The following PRKCB variants were observed in gnomAD, a reference collection of about 807,000 sequenced individuals.
PRKCB encodes protein kinase C beta type.
PRKCB carries 13 observed loss-of-function variants against 81.5 expected under a neutral mutation model. That is an observed-to-expected ratio of 0.16 (90% CI 0.10 to 0.25). PRKCB has a LOEUF of 0.25. PRKCB is among the 10% of genes least tolerant of loss of function. The probability of loss-of-function intolerance (pLI) is 1.00; values close to 1 mark genes in which losing one functional copy is unlikely to be tolerated. For synonymous variants in PRKCB, 335 were observed against 321.4 expected (o/e 1.04, Z -0.45); for missense variants, 509 against 875.7 (o/e 0.58, Z 5.29).
rs149361073 is a variant in PRKCB at position 23,875,548 on chromosome 16, A to G, written c.205+38142A>G. On this transcript the variant is annotated intron_variant, in intron 2 of 16. Transcript: ENST00000643927. ...ATATGTGTATATCACACACATATGT[A>G]TGTATATCACACACATGTGTATATC... 3.2e-4 allele frequency among the ~76,000 whole-genome samples: 17 copies of G among 52,610 alleles called. 1 individual carries two copies. The highest frequency in any genetic ancestry group is 6.6e-4 in the Admixed American group (3 of 4,514). 34.5% of individuals were successfully genotyped at this position (52,610 alleles called of 152,430 possible). A position where few individuals can be genotyped will look rare whatever the true frequency, so the allele number is the denominator to read the frequency against.
chr16:23,949,536 G>T (rs778507305), intron 2 of PRKCB, among the ~76,000 whole-genome samples: 1 of 152,086 alleles, frequency 6.6e-6, no homozygotes, highest in African/African-American at 2.4e-5. Flanking sequence ...ACCTTCTATC[G>T]TTTTATTCTT....
chr16:23,994,309 A>G (rs1335926179), intron 3 of PRKCB, among the ~76,000 whole-genome samples: 2 of 152,190 alleles, frequency 1.3e-5, no homozygotes, highest in Non-Finnish European at 2.9e-5. Context: ...TGAGTCCCCA[A>G]ACACATCCTG....
intron 2 of PRKCB, among the ~76,000 whole-genome samples, chr16:23,897,367 C>T (rs1267363520): frequency 6.6e-6 from 1 of 152,154 alleles, no homozygotes; most frequent in African/African-American, 2.4e-5. Flanking sequence ...TTTGCAAGGG[C>T]ATTTTGAATA....
At chr16:23,982,666 C>A (rs987639550) in intron 2 of PRKCB, among the ~76,000 whole-genome samples, 4 of 152,012 alleles carry the variant, frequency 2.6e-5, no homozygotes, top group African/African-American at 9.7e-5. Flanking sequence ...TGGGCTCAAG[C>A]AATCCTCCTG....
chr16:24,086,239 G>C (rs113363469), intron 5 of PRKCB, among the ~76,000 whole-genome samples: 3 of 152,144 alleles, frequency 2.0e-5, no homozygotes, highest in African/African-American at 7.2e-5. Flanking sequence ...AGAGCAAAGG[G>C]CTAAAGAAGC....
chr16:23,978,703 C>T (rs112417963), intron 2 of PRKCB, among the ~76,000 whole-genome samples: 3 of 152,202 alleles, frequency 2.0e-5, no homozygotes, highest in East Asian at 1.9e-4. Flanking sequence ...GGGTAGATGC[C>T]GGGCTAAGCA....
intron 16 of PRKCB, among the ~76,000 whole-genome samples, chr16:24,203,705 T>C (rs1196808074): frequency 2.0e-5 from 3 of 152,180 alleles, no homozygotes; most frequent in Non-Finnish European, 2.9e-5. Flanking sequence ...TTTTGTTTTG[T>C]TACAAGTGCA....
chr16:24,039,340 G>C (rs1003494016), intron 5 of PRKCB, among the ~76,000 whole-genome samples: 3 of 152,044 alleles, frequency 2.0e-5, no homozygotes, highest in South Asian at 4.2e-4. Context: ...GCGATTCTCC[G>C]GTCTCAGCCT....
chr16:24,141,956 C>G (rs1030561297), intron 9 of PRKCB, among the ~76,000 whole-genome samples: 1 of 152,208 alleles, frequency 6.6e-6, no homozygotes, highest in African/African-American at 2.4e-5. Flanking sequence ...TATACACACC[C>G]ACAGGAGTTA....
intron 2 of PRKCB, among the ~76,000 whole-genome samples, chr16:23,967,034 C>T (rs1596490698): frequency 6.8e-6 from 1 of 147,960 alleles, no homozygotes; most frequent in African/African-American, 2.5e-5. Flanking sequence ...TTTTAAAGCA[C>T]AGTACATGCT....
At chr16:23,951,754 CTT>C (rs1964288135) in intron 2 of PRKCB, among the ~76,000 whole-genome samples, 1 of 151,548 alleles carries the variant, frequency 6.6e-6, no homozygotes, top group South Asian at 2.1e-4. Context: ...GATAGTAACT[CTT>C]TATATATTCT....
At chr16:23,934,569 G>C (rs1190118322) in intron 2 of PRKCB, among the ~76,000 whole-genome samples, 1 of 152,080 alleles carries the variant, frequency 6.6e-6, no homozygotes, top group Non-Finnish European at 1.5e-5. Flanking sequence ...TCATGTAGAT[G>C]TACTTACCTT....
intron 2 of PRKCB, among the ~76,000 whole-genome samples, chr16:23,863,249 T>C (rs1378895956): frequency 0.091 from 5,021 of 55,324 alleles, 115 homozygotes; most frequent in South Asian, 0.15. Flanking sequence ...TACATATATA[T>C]ACACATACAC....
chr16:24,094,254 T>G lies in PRKCB; in HGVS notation c.778T>G (p.Ser260Ala). Residue 260 changes from serine (S) to alanine (A), a missense_variant, in exon 7 of 17, where the codon TCC (serine) becomes GCC (alanine). Physicochemically the swap from Ser to Ala is moderately conservative, Grantham distance 99 (BLOSUM62 1). Transcript: ENST00000643927. ...CAGGAATGACTTCATGGGATCTTTG[T>G]CCTTTGGGATTTCTGAACTTCAGAA... ...TSRNDFMGSL[S>A]FGISELQKAS... is the part of the protein sequence containing the mutation. The G allele has an allele frequency of 6.2e-7, 1 of 1,614,210 alleles. No homozygotes were observed. The highest frequency in any genetic ancestry group is 8.5e-7 in the Non-Finnish European group (1 of 1,180,012).
rs578133334 is a variant in PRKCB, at chr16:24,168,819, C to G, written c.1240-3451C>G. On this transcript the variant is annotated intron_variant, in intron 10 of 16. Coordinates refer to ENST00000643927, the MANE Select transcript of PRKCB (RefSeq NM_002738.7). ...AGTGATTTTCCTGTCTCGGCCCTGCCAAAGTTCTGGGATTACAGGAGCCAG... is the reference window on the plus strand; with the variant it reads ...AGTGATTTTCCTGTCTCGGCCCTGCGAAAGTTCTGGGATTACAGGAGCCAG... 2.7e-5 allele frequency among the ~76,000 whole-genome samples: 4 copies of G among 150,884 alleles called. No homozygotes were observed. In the South Asian group the frequency reaches 8.4e-4, roughly 32 times the overall value.
chr16:24,204,020 T>C (rs1968005107), intron 16 of PRKCB, among the ~76,000 whole-genome samples: 1 of 151,914 alleles, frequency 6.6e-6, no homozygotes, highest in South Asian at 2.1e-4. Flanking sequence ...GATGGGAATA[T>C]GGGTAGGAAT....
chr16:24,138,839 A>AT (rs1468056306), intron 9 of PRKCB, among the ~76,000 whole-genome samples: 1 of 110,354 alleles, frequency 9.1e-6, no homozygotes, highest in African/African-American at 3.6e-5. Context: ...ATCATACAGT[A>AT]TTTGTCTTTT....
intron 9 of PRKCB, among the ~76,000 whole-genome samples, chr16:24,136,946 C>T (rs539240946): frequency 2.4e-4 from 37 of 152,166 alleles, no homozygotes; most frequent in Admixed American, 6.5e-4. Flanking sequence ...AGCATGATCT[C>T]GGCTCACTGC....
At chr16:23,964,235 A>T (rs72779911) in intron 2 of PRKCB, among the ~76,000 whole-genome samples, 2 of 152,368 alleles carry the variant, frequency 1.3e-5, no homozygotes, top group Non-Finnish European at 2.9e-5. Flanking sequence ...TGTCATCATC[A>T]CAGAAAATTC....
Sources: allele counts gnomAD v4.1 joint callset (sites outside exome capture counted in the v4.1 genomes callset), GRCh38; gene constraint gnomAD v4.1.1; transcripts MANE v1.5; gene names NCBI Gene and HGNC (gene_info 2026-07-23, HGNC 2026-07-21).